Variants in OTOA observed in about 807,000 individuals in gnomAD.
OTOA encodes the protein otoancorin, also known as cancer/testis antigen 108.
OTOA carries 70 observed loss-of-function variants against 110.8 expected under a neutral mutation model. The ratio of observed to expected loss-of-function variants is 0.63; its 90% confidence interval spans 0.52 to 0.77. The LOEUF is 0.77. Ranked by LOEUF, OTOA falls within the 30% of genes least tolerant of loss-of-function variation. The pLI is 0.00. For missense variants in OTOA, 917 were observed against 1,075.8 expected, an observed-to-expected ratio of 0.85 and a Z score of 2.06; for synonymous variants, 373 against 431.5, an observed-to-expected ratio of 0.86 and a Z score of 1.68.
At chr16:21,666,952 G>A (rs544936105) in intron 1 of OTOA, among the ~76,000 whole-genome samples, 45 of 152,242 alleles carry the variant, frequency 3.0e-4, no homozygotes, top group African/African-American at 8.2e-4. Flanking sequence ...AGAGGGGCCC[G>A]AGCAAAGAGC....
At chr16:21,699,621 AGT>A (rs779550177) in intron 10 of OTOA, among the ~76,000 whole-genome samples, 11 of 151,776 alleles carry the variant, frequency 7.2e-5, no homozygotes, top group Non-Finnish European at 1.3e-4. Context: ...TGGGTAAAAG[AGT>A]GAGACTGTGT....
At chr16:21,679,811 T>C (rs1966875054) in intron 5 of OTOA, among the ~76,000 whole-genome samples, 1 of 152,170 alleles carries the variant, frequency 6.6e-6, no homozygotes, top group Non-Finnish European at 1.5e-5. Context: ...TAGTTCCCAT[T>C]GTTATCCCAT....
intron 18 of OTOA, among the ~76,000 whole-genome samples, chr16:21,725,878 G>A: frequency 6.6e-6 from 1 of 152,178 alleles, no homozygotes; most frequent in East Asian, 1.9e-4. Context: ...GTGGGTTACA[G>A]ATCGTTGTCA....
chr16:21,673,301 G>A (rs1966851790), intron 1 of OTOA, among the ~76,000 whole-genome samples: 1 of 152,104 alleles, frequency 6.6e-6, no homozygotes, highest in Non-Finnish European at 1.5e-5. Context: ...TACAAATTCA[G>A]GGCTTATTCA....
intron 1 of OTOA, among the ~76,000 whole-genome samples, chr16:21,669,544 G>A (rs1012142973): frequency 1.3e-5 from 2 of 152,054 alleles, no homozygotes; most frequent in African/African-American, 2.4e-5. Context: ...GAGCTCCAGG[G>A]ATCCTTCCCT....
intron 13 of OTOA, among the ~76,000 whole-genome samples, chr16:21,712,148 G>A (rs113870227): frequency 0.057 from 8,589 of 151,972 alleles, 311 homozygotes; most frequent in Middle Eastern, 0.14. Context: ...ACAACATGGT[G>A]AAACCCTGTC....
intron 27 of OTOA, among the ~76,000 whole-genome samples, chr16:21,754,256 G>T (rs1050781814): frequency 9.1e-6 from 1 of 110,004 alleles, no homozygotes; most frequent in Admixed American, 1.0e-4. Context: ...ACAAGATTAG[G>T]GGAGTGTTTG....
chr16:21,700,871 C>T lies in OTOA; in HGVS notation c.841-17C>T. ...CCACCCTCCTCACTGATATTCTCGT[C>T]CTTGTCCACCAACTAGATTGGGCTG... On this transcript the variant is annotated splice_polypyrimidine_tract_variant and intron_variant, in intron 10 of 28. Coordinates refer to ENST00000646100, the MANE Select transcript of OTOA (RefSeq NM_144672.4). The T allele has an allele frequency of 2.5e-6, 4 of 1,613,844 alleles. No homozygotes were observed. Among genetic ancestry groups the T allele is most frequent in the South Asian group, 2.2e-5 (2 of 91,050 alleles).
chr16:21,723,910 C>A (rs1457096023), intron 18 of OTOA, among the ~76,000 whole-genome samples: 1 of 152,158 alleles, frequency 6.6e-6, no homozygotes, highest in Non-Finnish European at 1.5e-5. Flanking sequence ...CTCTCATTGA[C>A]CTTAATTGGG....
intron 2 of OTOA, 113 bp downstream of exon 2, chr16:21,678,718 G>C: frequency 8.7e-7 from 1 of 1,149,108 alleles, no homozygotes; most frequent in Non-Finnish European, 1.3e-6. Flanking sequence ...CTGTGTGTGT[G>C]TGCATGTATG....
In OTOA at chr16:21,664,219, G is replaced by A. The variant is rs1966822914; in HGVS notation, c.-18G>A. On this transcript the variant is annotated 5_prime_UTR_variant, in exon 1 of 29. Transcript: ENST00000646100. ...CGCCCGTGGGACTCAGTGCGGCCAA[G>A]CCGGGCTCCGCAGGTGAGGCGCGCG... 1 of 152,210 alleles carries A rather than the reference G, an allele frequency of 6.6e-6. No homozygotes were observed. The highest frequency in any genetic ancestry group is 1.5e-5 in the Non-Finnish European group (1 of 68,072). The allele number at this position is 152,210 out of a possible 1,614,324, so 9.4% of individuals were successfully genotyped here.
chr16:21,754,064 C>CTCTATATATATATATTTTTT (rs1567408792), intron 27 of OTOA, among the ~76,000 whole-genome samples: 1 of 137,098 alleles, frequency 7.3e-6, no homozygotes, highest in Non-Finnish European at 1.6e-5. Context: ...ATCTCTCTCT[C>CTCTATATATATATATTTTTT]TCTATATATA....
chr16:21,687,329 A>G (rs1327211839), intron 7 of OTOA, 84 bp from the exon 8 acceptor site: 8 of 1,068,998 alleles, frequency 7.5e-6, no homozygotes, highest in Non-Finnish European at 1.2e-5. Context: ...GACTTTCCCC[A>G]CTGTTGCAAT....
chr16:21,678,914 G>A lies in OTOA; in HGVS notation c.92-1G>A. 6.2e-7 allele frequency: 1 copy of A among 1,613,192 alleles called. No individual in the cohort carries two copies. The highest frequency in any genetic ancestry group is 8.5e-7 in the Non-Finnish European group (1 of 1,179,906). ...TTATACATTCAATGGCTTTCTTACAGATTTGCATCCATTGTTGCAAAACAT... is the reference window on the plus strand; with the variant it reads ...TTATACATTCAATGGCTTTCTTACAAATTTGCATCCATTGTTGCAAAACAT... On this transcript the variant is annotated splice_acceptor_variant, in intron 2 of 28. Transcript: ENST00000646100. LOFTEE classifies it high-confidence loss of function.
rs1898659569 is a variant in OTOA, at chr16:21,719,432, C to T, written c.1734C>T (p.Ala578=). The change falls in exon 17 of 29, where the codon GCC becomes GCT. Residue 578 remains alanine, a synonymous_variant. Coordinates refer to ENST00000646100, the MANE Select transcript of OTOA (RefSeq NM_144672.4). Reference sequence around the variant, plus strand: ...GCGTGACCTGCTCACACATTGATGCCATGAGCACTGACTTCTTTCTGGCCC... The same window carrying T: ...GCGTGACCTGCTCACACATTGATGCTATGAGCACTGACTTCTTTCTGGCCC... The part of the protein sequence containing the change: ...VKGVTCSHID[A]MSTDFFLAHF... 1 of 1,614,052 alleles carries T rather than the reference C, an allele frequency of 6.2e-7. No homozygotes were observed. The highest frequency in any genetic ancestry group is 1.7e-5 in the Admixed American group (1 of 59,990).
chr16:21,730,546 G>A (rs1406247335), intron 20 of OTOA: 3 of 386,896 alleles, frequency 7.8e-6, no homozygotes, highest in African/African-American at 4.1e-5. Flanking sequence ...TCCTTGGTGT[G>A]GTCTTTACTT....
intron 17 of OTOA, among the ~76,000 whole-genome samples, chr16:21,720,611 C>A (rs1898700127): frequency 6.6e-6 from 1 of 152,156 alleles, no homozygotes; most frequent in South Asian, 2.1e-4. Context: ...GGGCCCCACT[C>A]CCAGAGTTTT....
At chr16:21,686,583 G>A (rs1291451702) in intron 7 of OTOA, among the ~76,000 whole-genome samples, 3 of 152,132 alleles carry the variant, frequency 2.0e-5, no homozygotes, top group Non-Finnish European at 2.9e-5. Flanking sequence ...GTGAGCCACT[G>A]TTCCAGGCCA....
intron 24 of OTOA, among the ~76,000 whole-genome samples, chr16:21,749,804 C>T (rs1807453203): frequency 7.5e-6 from 1 of 133,684 alleles, no homozygotes; most frequent in Non-Finnish European, 1.6e-5. Context: ...CCACCTCAGC[C>T]TCCCAAGTAG....
Sources: allele counts gnomAD v4.1 joint callset (sites outside exome capture counted in the v4.1 genomes callset), GRCh38; gene constraint gnomAD v4.1.1; transcripts MANE v1.5; gene names NCBI Gene and HGNC (gene_info 2026-07-23, HGNC 2026-07-21).